The following IFT74 variants were observed in gnomAD, a reference collection of about 807,000 sequenced individuals.
The protein encoded by IFT74 is intraflagellar transport protein 74 homolog.
IFT74 carries 92 observed loss-of-function variants against 96.7 expected under a neutral mutation model. The observed-to-expected ratio is 0.95, with a 90% CI of 0.80 to 1.13. The LOEUF is 1.13. Among genes scored for constraint, IFT74 ranks in the 50% most tolerant of loss-of-function variants. IFT74 has a pLI of 0.00. For missense variants in IFT74, 811 were observed against 698.2 expected, an observed-to-expected ratio of 1.16 and a Z score of -1.82; for synonymous variants, 223 against 213.2, an observed-to-expected ratio of 1.05 and a Z score of -0.40.
At chr9:27,036,945 A>G (rs535341276) in intron 13 of IFT74, 47 of 525,410 alleles carry the variant, frequency 8.9e-5, no homozygotes, top group African/African-American at 7.5e-4. Flanking sequence ...CTGGTCGGGC[A>G]CAGTGGCTCA....
chr9:27,012,233 T>C (rs1019275351), intron 10 of IFT74, among the ~76,000 whole-genome samples: 1 of 152,126 alleles, frequency 6.6e-6, no homozygotes, highest in Non-Finnish European at 1.5e-5. Context: ...AAAAAAATTA[T>C]TTTTTTAGAG....
intron 4 of IFT74, 33 bp from the exon 5 acceptor site, chr9:26,984,224 G>A: frequency 1.3e-6 from 2 of 1,506,492 alleles, no homozygotes; most frequent in Middle Eastern, 2.3e-4. Flanking sequence ...TGGATTAAAA[G>A]TATTGCTGAC....
At chr9:27,000,131 C>T (rs891023914) in intron 8 of IFT74, among the ~76,000 whole-genome samples, 6 of 152,092 alleles carry the variant, frequency 3.9e-5, no homozygotes, top group African/African-American at 1.4e-4. Flanking sequence ...AAGTGCATGG[C>T]CATTCACCAT....
chr9:26,954,514 C>CA (rs1297525150), upstream of IFT74, among the ~76,000 whole-genome samples: 1 of 151,408 alleles, frequency 6.6e-6, no homozygotes, highest in Non-Finnish European at 1.5e-5. Flanking sequence ...TTTAATGTGC[C>CA]AAAGTTTACC....
chr9:27,050,302 G>A, intron 16 of IFT74, among the ~76,000 whole-genome samples: 1 of 152,124 alleles, frequency 6.6e-6, no homozygotes, highest in Middle Eastern at 3.2e-3. Context: ...AAAGCCATCT[G>A]CCCACCTCGG....
rs1319898656 is a variant in IFT74, at chr9:27,064,065, G to A, written c.*1329G>A. Among the ~76,000 whole-genome samples the A allele has an allele frequency of 6.6e-6, 1 of 152,044 alleles. No homozygotes were observed. The highest frequency in any genetic ancestry group is 1.5e-5 in the Non-Finnish European group (1 of 67,958). ...TGCTCATAACCCTTAATATGCTAAT[G>A]TATAATAAGCTCAAGAAGAATATAT... On this transcript the variant is annotated 3_prime_UTR_variant, in exon 20 of 20. Transcript: ENST00000380062.
At chr9:27,033,520 A>G (rs941328489) in intron 13 of IFT74, among the ~76,000 whole-genome samples, 1 of 150,090 alleles carries the variant, frequency 6.7e-6, no homozygotes, top group Non-Finnish European at 1.5e-5. Context: ...AATCACTCCA[A>G]CCAAAATCAT....
chr9:27,007,534 G>T (rs1376215080), intron 8 of IFT74, among the ~76,000 whole-genome samples: 1 of 152,200 alleles, frequency 6.6e-6, no homozygotes, highest in African/African-American at 2.4e-5. Flanking sequence ...TCCAAGTGAA[G>T]ATACCACTTC....
At chr9:26,985,867 A>G (rs928032533) in intron 6 of IFT74, among the ~76,000 whole-genome samples, 14 of 152,180 alleles carry the variant, frequency 9.2e-5, no homozygotes, top group Admixed American at 5.9e-4. Flanking sequence ...GATTTCCACC[A>G]TCTTGATGTT....
At chr9:27,006,180 A>G (rs1828766522) in intron 8 of IFT74, among the ~76,000 whole-genome samples, 1 of 152,190 alleles carries the variant, frequency 6.6e-6, no homozygotes, top group African/African-American at 2.4e-5. Context: ...TGAAAATTTT[A>G]TTAAAGTATT....
chr9:26,958,916 C>T (rs1826234221), intron 1 of IFT74, among the ~76,000 whole-genome samples: 2 of 152,030 alleles, frequency 1.3e-5, no homozygotes, highest in Non-Finnish European at 2.9e-5. Context: ...GAAAAAAGAA[C>T]CAGAAGAGAG....
At chr9:27,040,774 G>A (rs1194031077) in intron 13 of IFT74, among the ~76,000 whole-genome samples, 1 of 152,078 alleles carries the variant, frequency 6.6e-6, no homozygotes, top group East Asian at 1.9e-4. Flanking sequence ...GCCTTGTTGT[G>A]TATTGATCAG....
chr9:27,001,629 C>A (rs1176818687), intron 8 of IFT74, among the ~76,000 whole-genome samples: 1 of 152,192 alleles, frequency 6.6e-6, no homozygotes, highest in African/African-American at 2.4e-5. Context: ...CTATTCAGTT[C>A]TTTTGCCATG....
intron 6 of IFT74, among the ~76,000 whole-genome samples, chr9:26,986,412 C>T (rs1367458932): frequency 6.6e-6 from 1 of 151,210 alleles, no homozygotes; most frequent in Non-Finnish European, 1.5e-5. Context: ...ACTTTCTGAG[C>T]TCAATTGATC....
At chr9:27,037,220 C>CAAA (rs11354662) in intron 13 of IFT74, among the ~76,000 whole-genome samples, 8 of 91,366 alleles carry the variant, frequency 8.8e-5, no homozygotes, top group East Asian at 3.0e-4. Context: ...AATCCCATCT[C>CAAA]AAAAAAAAAA....
intron 8 of IFT74, chr9:26,998,255 AAAAAG>A: frequency 7.3e-7 from 1 of 1,379,138 alleles, no homozygotes; most frequent in South Asian, 1.6e-5. Context: ...GAAAAACAAA[AAAAAG>A]AAAGGCATTA....
intron 12 of IFT74, chr9:27,028,824 G>T: frequency 2.3e-6 from 1 of 438,656 alleles, no homozygotes. Flanking sequence ...CTCATAATAG[G>T]ATATGCTATT....
intron 17 of IFT74, 121 bp downstream of exon 17, chr9:27,055,893 G>A: frequency 1.6e-6 from 1 of 613,458 alleles, no homozygotes; most frequent in Non-Finnish European, 2.5e-6. Context: ...ATATATAAGT[G>A]AGAAAAAATA....
At position 26,995,552 on chromosome 9, in the gene IFT74, A is replaced by G. The variant is rs1158456520; in HGVS notation, c.587+5357A>G. On this transcript the variant is annotated intron_variant, in intron 8 of 19. Coordinates refer to ENST00000380062, the MANE Select transcript of IFT74 (RefSeq NM_025103.4). Reference sequence around the variant, plus strand: ...TTCTTCACATAATTCATGGATATCTATATATTTGTCTTCAATAAATCCATC... The same window carrying G: ...TTCTTCACATAATTCATGGATATCTGTATATTTGTCTTCAATAAATCCATC... 1.9e-6 allele frequency: 3 copies of G among 1,591,382 alleles called. No homozygotes were observed. Among genetic ancestry groups the G allele is most frequent in the South Asian group, 1.1e-5 (1 of 89,550 alleles).
Sources: gnomAD v4.1 joint callset for allele counts (sites outside exome capture counted in the v4.1 genomes callset) on GRCh38, gnomAD v4.1.1 for gene constraint, MANE v1.5 for transcripts, NCBI Gene and HGNC (gene_info 2026-07-23, HGNC 2026-07-21) for gene names.